The following FAM171A2 variants were observed in gnomAD, a reference collection of about 807,000 sequenced individuals.
FAM171A2 encodes the protein family with sequence similarity 171 member A2.
A neutral mutation model predicts 34.2 loss-of-function variants in FAM171A2; 13 were observed. That is an observed-to-expected ratio of 0.38 (90% CI 0.25 to 0.60). The LOEUF (loss-of-function observed/expected upper bound fraction) is 0.60. Ranked by LOEUF, FAM171A2 falls within the 20% of genes least tolerant of loss-of-function variation. The pLI is 0.62. For missense variants in FAM171A2, 950 were observed against 1,180.7 expected, an observed-to-expected ratio of 0.80 and a Z score of 2.86; for synonymous variants, 475 against 561.2, an observed-to-expected ratio of 0.85 and a Z score of 2.17.
Position 44,358,687 on chromosome 17 carries a change from A to G in FAM171A2, c.439+892T>C, listed in dbSNP as rs565240972. ...GGCAACAGAGCAATACTCCATCTCA[A>G]AAAAAAACCCAACAACAACAACAAC... is the stretch of plus-strand genomic sequence containing the variant. On this transcript the variant is annotated intron_variant, in intron 3 of 7. Transcript: ENST00000293443. Among the ~76,000 whole-genome samples, 190 of 151,966 alleles carry G rather than the reference A, an allele frequency of 1.3e-3. 1 individual carries two copies. The highest frequency in any genetic ancestry group is 4.5e-3 in the African/African-American group (187 of 41,464).
chr17:44,354,143 C>T lies in FAM171A2; in HGVS notation c.2071G>A (p.Asp691Asn). 8.2e-7 allele frequency: 1 copy of T among 1,214,242 alleles called. No homozygotes were observed. Among genetic ancestry groups the T allele is most frequent in the Non-Finnish European group, 1.0e-6 (1 of 970,512 alleles). 75.2% of individuals were successfully genotyped at this position (1,214,242 alleles called of 1,614,324 possible). Residue 691 changes from aspartate to asparagine, a missense_variant, in exon 8 of 8, where the codon GAT becomes AAT. Transcript: ENST00000293443. This position sits in a 1 kb window ranked among gnomAD's most constrained non-coding sequence, Gnocchi z 5.8. ...STDASLDSGV[D>N]VHEARPARRR... ...CGCGCGGGCCGCGCCTCGTGGACAT[C>T]TACGCCCGAGTCCAGGCTGGCGTCG... is the stretch of plus-strand genomic sequence containing the variant.
At chr17:44,361,631 T>G (rs1253261681) in intron 1 of FAM171A2, among the ~76,000 whole-genome samples, 1 of 152,156 alleles carries the variant, frequency 6.6e-6, no homozygotes, top group Non-Finnish European at 1.5e-5. Flanking sequence ...AGCCCAACCC[T>G]GCAGGGTGGG....
intron 1 of FAM171A2, among the ~76,000 whole-genome samples, chr17:44,362,468 AC>A (rs891374171): frequency 2.6e-5 from 4 of 151,098 alleles, no homozygotes; most frequent in Non-Finnish European, 5.9e-5. Context: ...CCTCATCCAG[AC>A]CCCCCCACTC....
In FAM171A2 at chr17:44,355,145, A is replaced by G. The variant is rs1249115955; in HGVS notation, c.1069T>C (p.Ser357Pro). The change falls in exon 8 of 8, where the codon TCG becomes CCG. Residue 357 changes from serine to proline, a missense_variant. Physicochemically the swap from Ser to Pro is moderately conservative, Grantham distance 74. Transcript: ENST00000293443. The surrounding 1 kb of genome is among the most constrained non-coding windows in gnomAD (Gnocchi z 4.1). ...PRQQHRKLQL[S>P]GPSDGNKRDQ... ...CGTTTGTTACCGTCAGAGGGCCCCG[A>G]GAGCTGCAGCTTGCGGTGCTGTTGC... The G allele has an allele frequency of 6.4e-7, 1 of 1,550,908 alleles. No homozygotes were observed. Among genetic ancestry groups the G allele is most frequent in the Non-Finnish European group, 8.7e-7 (1 of 1,146,932 alleles).
rs1283804493 is a variant in FAM171A2 at position 44,356,217 on chromosome 17, G to T, written c.734C>A (p.Thr245Asn). ...CCAGGCTGGAATGCTGGTGCCCACG[G>T]TGAGGGCACGAGTCTCGGAGGGCAC... ...LPVPSETRAL[T>N]VGTSIPAWRF... is the part of the protein sequence containing the mutation. Residue 245 changes from threonine to asparagine, a missense_variant, in exon 5 of 8, where the codon ACC becomes AAC. Physicochemically the swap from Thr to Asn is moderately conservative, Grantham distance 65. This residue lies in a region of FAM171A2 where 752 missense variants were observed against 924.5 expected (regional missense o/e 0.81). Coordinates refer to ENST00000293443, the MANE Select transcript of FAM171A2 (RefSeq NM_198475.3). The T allele has an allele frequency of 5.8e-6, 9 of 1,550,828 alleles. No individual in the cohort carries two copies. Among genetic ancestry groups the T allele is most frequent in the Non-Finnish European group, 5.2e-6 (6 of 1,146,494 alleles).
At position 44,354,907 on chromosome 17, in the gene FAM171A2, C is replaced by G. The variant is rs1415942461; in HGVS notation, c.1307G>C (p.Gly436Ala). 1 of 1,404,396 alleles carries G rather than the reference C, an allele frequency of 7.1e-7. No homozygotes were observed. Among genetic ancestry groups the G allele is most frequent in the East Asian group, 3.0e-5 (1 of 33,846 alleles). 87.0% of individuals were successfully genotyped at this position (1,404,396 alleles called of 1,614,324 possible). A position where few individuals can be genotyped will look rare whatever the true frequency, so the allele number is the denominator to read the frequency against. ...PAAEPSGARG[G>A]ESAGLKGARS... The stretch of plus-strand genomic sequence containing the variant: ...AGCGCCCTTGAGCCCGGCGCTCTCG[C>G]CCCCGCGGGCACCCGAAGGCTCGGC... Residue 436 changes from glycine (G) to alanine (A), a missense_variant, in exon 8 of 8, where the codon GGC (glycine) becomes GCC (alanine). By Grantham distance (60) the Gly-to-Ala change is moderately conservative. This residue lies in a region of FAM171A2 where 752 missense variants were observed against 924.5 expected (regional missense o/e 0.81). Coordinates refer to ENST00000293443, the MANE Select transcript of FAM171A2 (RefSeq NM_198475.3). This position sits in a 1 kb window ranked among gnomAD's most constrained non-coding sequence, Gnocchi z 5.8.
chr17:44,353,534 C>G lies in FAM171A2; in HGVS notation c.*199G>C. ...CTCCCCGTGGGGGTCTGGACCCCCC[C>G]TCCTCCCCGGCTTGGAGGCAGACAC... is the stretch of plus-strand genomic sequence containing the variant. On this transcript the variant is annotated 3_prime_UTR_variant, in exon 8 of 8. Coordinates refer to ENST00000293443, the MANE Select transcript of FAM171A2 (RefSeq NM_198475.3). The G allele has an allele frequency of 6.3e-6, 2 of 315,780 alleles. No individual in the cohort carries two copies. 19.6% of individuals were successfully genotyped at this position (315,780 alleles called of 1,614,324 possible).
Position 44,356,177 on chromosome 17 carries a change from CTT to C in FAM171A2, c.772_773del (p.Lys258GlufsTer103). On this transcript the variant is annotated frameshift_variant, in exon 5 of 8. Transcript: ENST00000293443. LOFTEE classifies it high-confidence loss of function. The stretch of plus-strand genomic sequence containing the variant: ...GCAGCCCCCTGAGGCACTTACCACT[CTT>C]GGGGTCAAATCTCCAGGCTGGAATG... The part of the protein sequence containing the change: ...TSIPAWRFDP[K>X]SGLWVRNGTG... 6.5e-7 allele frequency: 1 copy of C among 1,546,578 alleles called. No individual in the cohort carries two copies. The highest frequency in any genetic ancestry group is 8.7e-7 in the Non-Finnish European group (1 of 1,143,322).
Position 44,356,343 on chromosome 17 carries a change from G to C in FAM171A2, c.608C>G (p.Ser203Cys), listed in dbSNP as rs2048423654. 6 of 1,545,006 alleles carry C rather than the reference G, an allele frequency of 3.9e-6. No homozygotes were observed. Among genetic ancestry groups the C allele is most frequent in the Non-Finnish European group, 5.3e-6 (6 of 1,141,928 alleles). The change falls in exon 5 of 8, where the codon TCC (serine) becomes TGC (cysteine). Residue 203 changes from serine (S) to cysteine (C), a missense_variant. This residue lies in a region of FAM171A2 where 752 missense variants were observed against 924.5 expected (regional missense o/e 0.81). Coordinates refer to ENST00000293443, the MANE Select transcript of FAM171A2 (RefSeq NM_198475.3). ...AGTCAGGGGCATCAGCTCCAGCCAG[G>C]AGCCATTGCCTGAGGGAAGAGGGTA... is the stretch of plus-strand genomic sequence containing the variant. ...GTEASSSGNG[S>C]WLELMPLTAV... is the part of the protein sequence containing the mutation.
At position 44,354,051 on chromosome 17, in the gene FAM171A2, GGGC is replaced by G. The variant is rs1567890015; in HGVS notation, c.2160_2162del (p.Pro722del). ...TGTCCTCGCTGAGCGCCAGGCGCGG[GGGC>G]GCGGGCGGCGGCGGCGGCGCGGCAG... On this transcript the variant is annotated inframe_deletion, in exon 8 of 8. Coordinates refer to ENST00000293443, the MANE Select transcript of FAM171A2 (RefSeq NM_198475.3). The surrounding 1 kb of genome is among the most constrained non-coding windows in gnomAD (Gnocchi z 5.8). 7.0e-6 allele frequency: 8 copies of G among 1,143,040 alleles called. No individual in the cohort carries two copies. In the East Asian group the frequency reaches 2.5e-4, roughly 36 times the overall value. 70.8% of individuals were successfully genotyped at this position (1,143,040 alleles called of 1,614,324 possible). A position where few individuals can be genotyped will look rare whatever the true frequency, so the allele number is the denominator to read the frequency against.
rs2048404111 is a variant in FAM171A2, at chr17:44,353,850, G to A, written c.2364C>T (p.Asp788=). Residue 788 remains aspartate (D), a synonymous_variant, in exon 8 of 8, where the codon GAC becomes GAT. Coordinates refer to ENST00000293443, the MANE Select transcript of FAM171A2 (RefSeq NM_198475.3). ...SRSSASELRR[D]SLTSPEDELG... Reference sequence around the variant, plus strand: ...GCTCGTCCTCCGGGCTGGTGAGCGAGTCGCGCCGCAGCTCGCTGGCGCTGC... The same window carrying A: ...GCTCGTCCTCCGGGCTGGTGAGCGAATCGCGCCGCAGCTCGCTGGCGCTGC... 1 of 1,396,168 alleles carries A rather than the reference G, an allele frequency of 7.2e-7. No individual in the cohort carries two copies. The allele number at this position is 1,396,168 out of a possible 1,614,324, so 86.5% of individuals were successfully genotyped here.
At chr17:44,356,114 C>A in intron 5 of FAM171A2, 40 bp from the exon 6 acceptor site, 1 of 1,522,054 alleles carries the variant, frequency 6.6e-7, no homozygotes, top group South Asian at 1.2e-5. Flanking sequence ...GAGTCGCTCC[C>A]ACTCAAGTCC....
Position 44,353,347 on chromosome 17 carries a change from C to A in FAM171A2, c.*386G>T, listed in dbSNP as rs1057497497. ...AGATGGGCTAGTCAGCAAGCAGCACCCCCTCCCCTCCCAGGGGTCCACAAA... is the reference window on the plus strand; with the variant it reads ...AGATGGGCTAGTCAGCAAGCAGCACACCCTCCCCTCCCAGGGGTCCACAAA... On this transcript the variant is annotated 3_prime_UTR_variant, in exon 8 of 8. Transcript: ENST00000293443. 2 of 176,530 alleles carry A rather than the reference C, an allele frequency of 1.1e-5. No individual in the cohort carries two copies. The highest frequency in any genetic ancestry group is 4.8e-5 in the African/African-American group (2 of 41,972). The allele number at this position is 176,530 out of a possible 1,614,324, so 10.9% of individuals were successfully genotyped here.
Position 44,363,791 on chromosome 17 carries a change from C to T in FAM171A2, c.-77G>A, listed in dbSNP as rs926754739. ...CGCCCGGCCCCGCGCAGCCCCAGCT[C>T]TGCGCCGCGCCTCGCAGCTCCGGCT... On this transcript the variant is annotated 5_prime_UTR_variant, in exon 1 of 8. Coordinates refer to ENST00000293443, the MANE Select transcript of FAM171A2 (RefSeq NM_198475.3). 6 of 634,800 alleles carry T rather than the reference C, an allele frequency of 9.5e-6. No homozygotes were observed. The highest frequency in any genetic ancestry group is 7.7e-5 in the African/African-American group (4 of 51,648). 39.3% of individuals were successfully genotyped at this position (634,800 alleles called of 1,614,324 possible).
Position 44,355,000 on chromosome 17 carries a change from G to T in FAM171A2, c.1214C>A (p.Ser405Tyr), listed in dbSNP as rs1461670410. The change falls in exon 8 of 8, where the codon TCC (serine) becomes TAC (tyrosine). Residue 405 changes from serine (S) to tyrosine (Y), a missense_variant. By Grantham distance (144) the Ser-to-Tyr change is moderately radical (BLOSUM62 -2). Transcript: ENST00000293443. This position sits in a 1 kb window ranked among gnomAD's most constrained non-coding sequence, Gnocchi z 5.8. ...ATCCCGGGAGGAGGCCAAGTCCCGG[G>T]AGCTGGAGAAGGCCGAGTGGAGGGG... ...PGPLHSAFSS[S>Y]RDLASSRDDF... 16 of 1,502,448 alleles carry T rather than the reference G, an allele frequency of 1.1e-5. No homozygotes were observed. The highest frequency in any genetic ancestry group is 1.8e-6 in the Non-Finnish European group (2 of 1,127,052). The allele number at this position is 1,502,448 out of a possible 1,614,324, so 93.1% of individuals were successfully genotyped here.
Position 44,356,032 on chromosome 17 carries a change from C to T in FAM171A2, c.821G>A (p.Gly274Asp). 2 of 1,548,518 alleles carry T rather than the reference C, an allele frequency of 1.3e-6. No homozygotes were observed. Among genetic ancestry groups the T allele is most frequent in the Non-Finnish European group, 8.7e-7 (1 of 1,145,396 alleles). The change falls in exon 6 of 8, where the codon GGC becomes GAC. Residue 274 changes from glycine (G) to aspartate (D), a missense_variant. Physicochemically the swap from Gly to Asp is moderately conservative, Grantham distance 94. Transcript: ENST00000293443. ...GACGAAGGTCCAGTAGAGCTGCCGGCCTTCCTTCCGGATTACACCAGTGCC... is the reference window on the plus strand; with the variant it reads ...GACGAAGGTCCAGTAGAGCTGCCGGTCTTCCTTCCGGATTACACCAGTGCC... ...RNGTGVIRKEGRQLYWTFVSP... is the reference protein window; with the variant it reads ...RNGTGVIRKEDRQLYWTFVSP...
intron 1 of FAM171A2, 54 bp from the exon 2 acceptor site, chr17:44,360,186 TG>T: frequency 2.1e-6 from 3 of 1,401,562 alleles, no homozygotes; most frequent in South Asian, 1.3e-5. Context: ...GAAAGAGAAC[TG>T]GGGGGAGCCC....
chr17:44,357,730 C>CGTGT lies in FAM171A2; in HGVS notation c.440-1146_440-1143dup, dbSNP rs141824631. Among the ~76,000 whole-genome samples, 1,194 of 143,350 alleles carry CGTGT rather than the reference C, an allele frequency of 8.3e-3. 28 individuals are homozygous for CGTGT. Among genetic ancestry groups the CGTGT allele is most frequent in the African/African-American group, 0.028 (1,076 of 38,056 alleles). 94.0% of individuals were successfully genotyped at this position (143,350 alleles called of 152,430 possible). On this transcript the variant is annotated intron_variant, in intron 3 of 7. Coordinates refer to ENST00000293443, the MANE Select transcript of FAM171A2 (RefSeq NM_198475.3). The stretch of plus-strand genomic sequence containing the variant: ...GGCTACTGCATTAGACAGTTTAGGT[C>CGTGT]GTGTGTGTGTGTGTGTGTGTGTGTG...
At position 44,356,221 on chromosome 17, in the gene FAM171A2, G is replaced by A. The variant is rs201201524; in HGVS notation, c.730C>T (p.Leu244Phe). Residue 244 changes from leucine (L) to phenylalanine (F), a missense_variant, in exon 5 of 8, where the codon CTC (leucine) becomes TTC (phenylalanine). Physicochemically the swap from Leu to Phe is conservative, Grantham distance 22 (BLOSUM62 0). Coordinates refer to ENST00000293443, the MANE Select transcript of FAM171A2 (RefSeq NM_198475.3). ...GCTGGAATGCTGGTGCCCACGGTGA[G>A]GGCACGAGTCTCGGAGGGCACGGGC... ...SLPVPSETRA[L>F]TVGTSIPAWR... 660 of 1,551,354 alleles carry A rather than the reference G, an allele frequency of 4.3e-4. 5 individuals are homozygous for A. In the African/African-American group the frequency reaches 8.3e-3, roughly 19 times the overall value.
Sources: allele counts gnomAD v4.1 joint callset (sites outside exome capture counted in the v4.1 genomes callset), GRCh38; gene constraint gnomAD v4.1.1; regional missense constraint gnomAD v4.1.1; non-coding constraint Gnocchi (gnomAD v3.1); transcripts MANE v1.5; gene names NCBI Gene and HGNC (gene_info 2026-07-23, HGNC 2026-07-21).